DSCAM: variants seen among roughly 807,000 people sequenced by gnomAD.
DSCAM encodes the protein DS cell adhesion molecule, also known as cell adhesion molecule DSCAM.
In DSCAM, 47 loss-of-function variants were observed where a neutral mutation model predicts 217.7. The observed-to-expected ratio is 0.22, with a 90% confidence interval of 0.17 to 0.28. The LOEUF (loss-of-function observed/expected upper bound fraction) is 0.28. DSCAM is among the 10% of genes least tolerant of loss of function. The pLI, the probability that DSCAM is intolerant of heterozygous loss-of-function variation, is 1.00. For synonymous variants in DSCAM, 1,056 were observed against 1,015.3 expected, an observed-to-expected ratio of 1.04 and a Z score of -0.76; for missense variants, 2,080 against 2,618.3, an observed-to-expected ratio of 0.79 and a Z score of 4.49.
rs1024164155 is a variant in DSCAM at position 40,518,668 on chromosome 21, G to A, written c.509-149423C>T. Among the ~76,000 whole-genome samples, 6 of 133,382 alleles carry A rather than the reference G, an allele frequency of 4.5e-5. No homozygotes were observed. In the East Asian group the frequency reaches 9.0e-4, roughly 20 times the overall value. The allele number at this position is 133,382 out of a possible 152,430, so 87.5% of individuals were successfully genotyped here. A position where few individuals can be genotyped will look rare whatever the true frequency, so the allele number is the denominator to read the frequency against. Reference sequence around the variant, plus strand: ...CATGTATATATGTGTATATATATGTGTATGTGTGTGTATGTATATATATGT... The same window carrying A: ...CATGTATATATGTGTATATATATGTATATGTGTGTGTATGTATATATATGT... On this transcript the variant is annotated intron_variant, in intron 3 of 32. Transcript: ENST00000400454.
intron 3 of DSCAM, among the ~76,000 whole-genome samples, chr21:40,428,136 A>T (rs1475432033): frequency 6.6e-6 from 1 of 152,076 alleles, no homozygotes; most frequent in African/African-American, 2.4e-5. Context: ...ACCAAAGCTC[A>T]TCTGTCTTAA....
intron 3 of DSCAM, among the ~76,000 whole-genome samples, chr21:40,378,984 AAGAC>A (rs1309579899): frequency 6.6e-6 from 1 of 152,190 alleles, no homozygotes; most frequent in Non-Finnish European, 1.5e-5. Context: ...AGTTACATAA[AAGAC>A]AGTAAGGTAT....
chr21:40,075,692 T>C (rs2089357064), intron 26 of DSCAM, among the ~76,000 whole-genome samples: 1 of 152,192 alleles, frequency 6.6e-6, no homozygotes, highest in Admixed American at 6.5e-5. Context: ...CCCTTGTGAT[T>C]AGGTAATTTG....
intron 1 of DSCAM, among the ~76,000 whole-genome samples, chr21:40,720,365 G>A (rs1474603228): frequency 2.6e-5 from 4 of 152,146 alleles, no homozygotes; most frequent in African/African-American, 9.7e-5. Flanking sequence ...GAAATTCAGT[G>A]TCATCTCGAT....
chr21:40,655,364 C>T (rs189624724), intron 3 of DSCAM, among the ~76,000 whole-genome samples: 113 of 152,166 alleles, frequency 7.4e-4, no homozygotes, highest in Non-Finnish European at 1.5e-3. Flanking sequence ...TTCCTCTCTG[C>T]TTCTAAAATG....
chr21:40,154,653 C>T lies in DSCAM; in HGVS notation c.3019-9922G>A, dbSNP rs149489575. On this transcript the variant is annotated intron_variant, in intron 16 of 32. Coordinates refer to ENST00000400454, the MANE Select transcript of DSCAM (RefSeq NM_001389.5). ...CTCATAATGGGTAGATGTATGGCCA[C>T]GTGACTGGCTCCCCCAAAGTCATTA... Among the ~76,000 whole-genome samples, 220 of 152,234 alleles carry T rather than the reference C, an allele frequency of 1.4e-3. 2 individuals carry two copies. The highest frequency in any genetic ancestry group is 2.9e-3 in the South Asian group (14 of 4,818).
At chr21:40,063,338 A>G (rs2089151871) in intron 27 of DSCAM, among the ~76,000 whole-genome samples, 1 of 152,216 alleles carries the variant, frequency 6.6e-6, no homozygotes, top group African/African-American at 2.4e-5. Flanking sequence ...AAAGAATCGT[A>G]TAAATGAAAT....
intron 3 of DSCAM, among the ~76,000 whole-genome samples, chr21:40,671,305 G>A (rs2090270545): frequency 6.6e-6 from 1 of 152,178 alleles, no homozygotes; most frequent in Non-Finnish European, 1.5e-5. Flanking sequence ...AACTTATAAG[G>A]AGAACAGATA....
intron 3 of DSCAM, among the ~76,000 whole-genome samples, chr21:40,481,380 C>T (rs2075980931): frequency 6.6e-6 from 1 of 151,866 alleles, no homozygotes; most frequent in South Asian, 2.1e-4. Flanking sequence ...GTCCCAGCTA[C>T]TCGGGAGGCT....
At chr21:40,721,906 A>C (rs1721038320) in intron 1 of DSCAM, among the ~76,000 whole-genome samples, 1 of 152,180 alleles carries the variant, frequency 6.6e-6, no homozygotes, top group South Asian at 2.1e-4. Flanking sequence ...AAAAAACTTA[A>C]AGGCAACCAG....
intron 1 of DSCAM, among the ~76,000 whole-genome samples, chr21:40,811,165 A>G (rs2091834672): frequency 6.6e-6 from 1 of 152,130 alleles, no homozygotes; most frequent in African/African-American, 2.4e-5. Context: ...CAGAGAAGAC[A>G]GAGAGTCCAA....
At chr21:40,365,503 A>G (rs1383215281) in intron 4 of DSCAM, among the ~76,000 whole-genome samples, 3 of 152,036 alleles carry the variant, frequency 2.0e-5, no homozygotes, top group Non-Finnish European at 4.4e-5. Context: ...CTATTGTGGG[A>G]CTTTACCTTG....
intron 3 of DSCAM, among the ~76,000 whole-genome samples, chr21:40,536,756 TG>T (rs1266170356): frequency 6.6e-6 from 1 of 152,192 alleles, no homozygotes; most frequent in Non-Finnish European, 1.5e-5. Flanking sequence ...TATTAATTTT[TG>T]TAAGGACATA....
intron 1 of DSCAM, among the ~76,000 whole-genome samples, chr21:40,755,491 T>C (rs2091266794): frequency 2.6e-5 from 4 of 152,088 alleles, no homozygotes; most frequent in African/African-American, 9.6e-5. Flanking sequence ...TTTAAAAAGA[T>C]GTTGCCTGGA....
At chr21:40,561,305 A>T (rs2076718850) in intron 3 of DSCAM, among the ~76,000 whole-genome samples, 1 of 152,184 alleles carries the variant, frequency 6.6e-6, no homozygotes, top group African/African-American at 2.4e-5. Context: ...AACTTACCCT[A>T]CAGTCAACAG....
At chr21:40,481,599 C>T (rs1193671642) in intron 3 of DSCAM, among the ~76,000 whole-genome samples, 2 of 149,108 alleles carry the variant, frequency 1.3e-5, no homozygotes, top group African/African-American at 4.9e-5. Flanking sequence ...ATGAAATGGA[C>T]TCAAATACCC....
intron 20 of DSCAM, among the ~76,000 whole-genome samples, chr21:40,110,569 T>C (rs941133200): frequency 6.6e-6 from 1 of 152,146 alleles, no homozygotes. Context: ...GGATGGAAGA[T>C]GATTTTGATG....
intron 21 of DSCAM, among the ~76,000 whole-genome samples, chr21:40,089,673 G>A (rs939111536): frequency 2.0e-5 from 3 of 152,078 alleles, no homozygotes; most frequent in Admixed American, 6.5e-5. Context: ...CTCCTCTGCT[G>A]TGGACATCCC....
At chr21:40,440,731 TG>T (rs2075622649) in intron 3 of DSCAM, among the ~76,000 whole-genome samples, 1 of 4,756 alleles carries the variant, frequency 2.1e-4, no homozygotes, top group African/African-American at 1.0e-3. Context: ...GTCTTGGCTG[TG>T]TGTGACATGA....
Sources: gnomAD v4.1 joint callset for allele counts (sites outside exome capture counted in the v4.1 genomes callset) on GRCh38, gnomAD v4.1.1 for gene constraint, MANE v1.5 for transcripts, NCBI Gene and HGNC (gene_info 2026-07-23, HGNC 2026-07-21) for gene names.